Variants in DNAJB6 observed in about 807,000 individuals in gnomAD.
DNAJB6 encodes the protein DnaJ heat shock protein family (Hsp40) member B6.
A neutral mutation model predicts 42.7 loss-of-function variants in DNAJB6; 16 were observed. The observed-to-expected ratio is 0.37, with a 90% confidence interval of 0.25 to 0.57. DNAJB6 has a LOEUF of 0.57. DNAJB6 is among the 20% of genes least tolerant of loss of function. The probability of loss-of-function intolerance (pLI) is 0.74; values close to 1 mark genes in which losing one functional copy is unlikely to be tolerated. For missense variants in DNAJB6, 347 were observed against 416.8 expected (o/e 0.83, Z 1.46); for synonymous variants, 170 against 163.5 (o/e 1.04, Z -0.30).
At chr7:157,365,688 T>C (rs1799808079) in intron 3 of DNAJB6, among the ~76,000 whole-genome samples, 1 of 152,096 alleles carries the variant, frequency 6.6e-6, no homozygotes, top group Admixed American at 6.5e-5. Flanking sequence ...GCTTTTGAGA[T>C]GGAGTTTTGC....
chr7:157,362,443 C>T (rs1375238982), intron 2 of DNAJB6, among the ~76,000 whole-genome samples: 4 of 151,368 alleles, frequency 2.6e-5, no homozygotes, highest in South Asian at 2.1e-4. Flanking sequence ...GGTGCGATCT[C>T]GGCTCACCAC....
At chr7:157,358,082 T>C (rs1208120063) in intron 1 of DNAJB6, among the ~76,000 whole-genome samples, 3 of 152,202 alleles carry the variant, frequency 2.0e-5, no homozygotes, top group Admixed American at 1.3e-4. Flanking sequence ...TGGCTTTCTA[T>C]TGTTCCCATG....
At chr7:157,338,554 C>T (rs1798170618) in intron 1 of DNAJB6, among the ~76,000 whole-genome samples, 1 of 152,154 alleles carries the variant, frequency 6.6e-6, no homozygotes, top group African/African-American at 2.4e-5. Flanking sequence ...AGGCTGGTCT[C>T]GAACTTATGA....
intron 8 of DNAJB6, among the ~76,000 whole-genome samples, chr7:157,388,643 G>GA (rs1380584982): frequency 6.6e-6 from 1 of 150,596 alleles, no homozygotes; most frequent in Non-Finnish European, 1.5e-5. Flanking sequence ...GCTTTTGGGG[G>GA]GGGGGTAAGT....
At chr7:157,338,583 C>T (rs1183485058) in intron 1 of DNAJB6, among the ~76,000 whole-genome samples, 1 of 152,222 alleles carries the variant, frequency 6.6e-6, no homozygotes, top group African/African-American at 2.4e-5. Flanking sequence ...GATCGCCTGC[C>T]TCGGCCTCCC....
chr7:157,393,068 G>T (rs1379073552), intron 8 of DNAJB6, among the ~76,000 whole-genome samples: 1 of 152,092 alleles, frequency 6.6e-6, no homozygotes, highest in Non-Finnish European at 1.5e-5. Context: ...CTGCCTCCTG[G>T]GTTCAAGCGA....
In DNAJB6 at chr7:157,357,212, GTCCTTCCTTCCTTCCTTCCTTCCT is replaced by G. The variant is rs112834824; in HGVS notation, c.-26-1307_-26-1284del. 1.5e-3 allele frequency among the ~76,000 whole-genome samples: 95 copies of G among 61,842 alleles called. 12 individuals carry two copies. The highest frequency in any genetic ancestry group is 0.012 in the South Asian group (26 of 2,104). 40.6% of individuals were successfully genotyped at this position (61,842 alleles called of 152,430 possible). The stretch of plus-strand genomic sequence containing the variant: ...GTCTTTGTGGCTTTGTGATACTGTT[GTCCTTCCTTCCTTCCTTCCTTCCT>G]TCCTTCCTTCCTTCCTTCCTTCCTT... On this transcript the variant is annotated intron_variant, in intron 1 of 9. Coordinates refer to ENST00000262177, the MANE Select transcript of DNAJB6 (RefSeq NM_058246.4).
At chr7:157,392,193 C>T (rs894569413) in intron 8 of DNAJB6, among the ~76,000 whole-genome samples, 5 of 151,718 alleles carry the variant, frequency 3.3e-5, no homozygotes, top group Admixed American at 2.6e-4. Flanking sequence ...CTCACGCTTG[C>T]TAGTACTGTC....
intron 8 of DNAJB6, among the ~76,000 whole-genome samples, chr7:157,397,612 A>G (rs781686755): frequency 3.4e-4 from 52 of 152,324 alleles, no homozygotes; most frequent in Admixed American, 1.1e-3. Flanking sequence ...CAGTGCCACC[A>G]TCCCTCTCCC....
intron 8 of DNAJB6, among the ~76,000 whole-genome samples, chr7:157,404,030 G>A (rs556605691): frequency 1.3e-5 from 2 of 151,390 alleles, no homozygotes; most frequent in South Asian, 2.1e-4. Context: ...GCAGTGGTGC[G>A]ATCACAGCTC....
At chr7:157,408,633 C>T (rs1482648338) in intron 8 of DNAJB6, among the ~76,000 whole-genome samples, 1 of 152,256 alleles carries the variant, frequency 6.6e-6, no homozygotes, top group Non-Finnish European at 1.5e-5. Flanking sequence ...GGAGCCCGTT[C>T]TCTCTGTTGT....
At chr7:157,362,706 T>C (rs1201576617) in intron 2 of DNAJB6, among the ~76,000 whole-genome samples, 1 of 152,250 alleles carries the variant, frequency 6.6e-6, no homozygotes, top group African/African-American at 2.4e-5. Context: ...GTCTTGTCAC[T>C]GTCAGTCCAC....
intron 2 of DNAJB6, among the ~76,000 whole-genome samples, chr7:157,362,905 C>T (rs903559519): frequency 6.6e-6 from 1 of 152,130 alleles, no homozygotes; most frequent in African/African-American, 2.4e-5. Context: ...GAACTCCTGG[C>T]CTCAAGCAGT....
chr7:157,351,573 C>T (rs1339452423), intron 1 of DNAJB6, among the ~76,000 whole-genome samples: 1 of 150,680 alleles, frequency 6.6e-6, no homozygotes, highest in Admixed American at 6.6e-5. Context: ...GTGGAGTTTG[C>T]AGTGAGCTGA....
At position 157,366,488 on chromosome 7, in the gene DNAJB6, C is replaced by T; in HGVS notation, c.176-14C>T. ...AAGGAACTTGGCCTTACCGACTTTT[C>T]TTTCAATTTTTAGCTAAGAAACGGG... On this transcript the variant is annotated splice_polypyrimidine_tract_variant and intron_variant, in intron 3 of 9. Coordinates refer to ENST00000262177, the MANE Select transcript of DNAJB6 (RefSeq NM_058246.4). The T allele has an allele frequency of 1.2e-6, 2 of 1,613,566 alleles. No homozygotes were observed. Among genetic ancestry groups the T allele is most frequent in the South Asian group, 1.1e-5 (1 of 90,966 alleles).
intron 1 of DNAJB6, among the ~76,000 whole-genome samples, chr7:157,353,584 GGGGTGTGT>G (rs1451702944): frequency 6.4e-5 from 6 of 93,264 alleles, no homozygotes; most frequent in African/African-American, 2.8e-4. Flanking sequence ...TTTCTTGACC[GGGGTGTGT>G]GTGTGTGTGT....
chr7:157,391,796 C>T (rs1451995741), intron 8 of DNAJB6, among the ~76,000 whole-genome samples: 1 of 152,042 alleles, frequency 6.6e-6, no homozygotes, highest in Non-Finnish European at 1.5e-5. Flanking sequence ...GCTTGAGAAA[C>T]GTGTGCATTG....
intron 8 of DNAJB6, among the ~76,000 whole-genome samples, chr7:157,404,763 C>T (rs6974584): frequency 0.39 from 58,628 of 151,930 alleles, 11,716 homozygotes; most frequent in Non-Finnish European, 0.44. Flanking sequence ...GCCTCAGCCT[C>T]TCAAAGTGCT....
intron 8 of DNAJB6, among the ~76,000 whole-genome samples, chr7:157,403,241 C>G (rs1211514727): frequency 1.3e-5 from 2 of 152,114 alleles, no homozygotes; most frequent in Non-Finnish European, 2.9e-5. Context: ...CCACGTGTGC[C>G]TTAGTCTGGC....
Sources: gnomAD v4.1 joint callset for allele counts (sites outside exome capture counted in the v4.1 genomes callset) on GRCh38, gnomAD v4.1.1 for gene constraint, MANE v1.5 for transcripts, NCBI Gene and HGNC (gene_info 2026-07-23, HGNC 2026-07-21) for gene names.